The following NCOR2 variants were observed in gnomAD, a reference collection of about 807,000 sequenced individuals.
NCOR2 encodes the protein nuclear receptor corepressor 2, also known as CTG repeat protein 26.
NCOR2 carries 81 observed loss-of-function variants against 262.9 expected under a neutral mutation model. The observed-to-expected ratio is 0.31, with a 90% CI of 0.26 to 0.37. The LOEUF is 0.37. Ranked by LOEUF, NCOR2 falls within the 10% of genes least tolerant of loss-of-function variation. The pLI, the probability that NCOR2 is intolerant of heterozygous loss-of-function variation, is 1.00. For missense variants in NCOR2, 3,385 were observed against 3,621.4 expected (o/e 0.93, Z 1.68); for synonymous variants, 1,659 against 1,559.3 (o/e 1.06, Z -1.51).
In NCOR2 at chr12:124,335,696, G is replaced by C. The variant is rs980065273; in HGVS notation, c.6116-64C>G. ...CAGGGTTTCGGAGCCCGAGGGGCAG[G>C]GCTGCCCTCCCAGCTGGCTGGGACC... On this transcript the variant is annotated intron_variant, in intron 38 of 46. Transcript: ENST00000405201. 2.0e-5 allele frequency: 31 copies of C among 1,526,532 alleles called. 1 individual carries two copies. In the South Asian group the frequency reaches 2.4e-4, roughly 12 times the overall value. The allele number at this position is 1,526,532 out of a possible 1,614,324, so 94.6% of individuals were successfully genotyped here. A position where few individuals can be genotyped will look rare whatever the true frequency, so the allele number is the denominator to read the frequency against.
At chr12:124,330,820 A>G (rs762005655) in intron 44 of NCOR2, 25 bp downstream of exon 46, 77 of 1,565,446 alleles carry the variant, frequency 4.9e-5, no homozygotes, top group Admixed American at 5.7e-5. Context: ...CAGGGCAGCC[A>G]TATAGCAAGG....
rs1020745002 is a variant in NCOR2 at position 124,549,340 on chromosome 12, A to G, written c.-164-13729T>C. ...CACTCCCCGCTTGGCCGGGTGGCCC[A>G]CTGCCCGTCTGGCTTTCGAGGAGAT... On this transcript the variant is annotated intron_variant, in intron 1 of 32. Coordinates refer to the NCOR2 transcript ENST00000458234. The surrounding 1 kb of genome is among the most constrained non-coding windows in gnomAD (Gnocchi z 4.4). Among the ~76,000 whole-genome samples the G allele has an allele frequency of 7.9e-5, 12 of 152,136 alleles. No homozygotes were observed. Among genetic ancestry groups the G allele is most frequent in the Non-Finnish European group, 1.3e-4 (9 of 68,020 alleles).
chr12:124,341,423 A>G (rs560478105), intron 34 of NCOR2, among the ~76,000 whole-genome samples: 4 of 152,194 alleles, frequency 2.6e-5, no homozygotes, highest in Non-Finnish European at 4.4e-5. Context: ...TATTTTTAGG[A>G]GAGACGGGTT....
chr12:124,453,660 G>A (rs1057313241), intron 6 of NCOR2, among the ~76,000 whole-genome samples: 1 of 152,214 alleles, frequency 6.6e-6, no homozygotes, highest in Non-Finnish European at 1.5e-5. Context: ...TGAAGTGACA[G>A]CCCCAGCCCT....
At chr12:124,352,481 T>A (rs1241088603) in intron 27 of NCOR2, among the ~76,000 whole-genome samples, 1 of 152,090 alleles carries the variant, frequency 6.6e-6, no homozygotes, top group African/African-American at 2.4e-5. Flanking sequence ...CAAGTGATCT[T>A]CCTGCCTCCC....
At chr12:124,479,815 C>T (rs1264215168) in intron 3 of NCOR2, among the ~76,000 whole-genome samples, 1 of 152,240 alleles carries the variant, frequency 6.6e-6, no homozygotes, top group Non-Finnish European at 1.5e-5. Context: ...AGCAGGTCAA[C>T]CTGGAGGCAG....
chr12:124,417,042 T>TCACTCCATG (rs1565923710), intron 13 of NCOR2, among the ~76,000 whole-genome samples: 15 of 68,720 alleles, frequency 2.2e-4, no homozygotes, highest in Non-Finnish European at 1.1e-4. Flanking sequence ...CACTCACTCC[T>TCACTCCATG]GAGAGCAAGC....
chr12:124,559,105 G>A (rs946738855), intron 1 of NCOR2, among the ~76,000 whole-genome samples: 46 of 152,194 alleles, frequency 3.0e-4, no homozygotes, highest in African/African-American at 1.1e-3. Context: ...CAGGCCAGTG[G>A]TGACTGGTCA....
chr12:124,421,748 G>C lies in NCOR2; in HGVS notation c.1383+753C>G, dbSNP rs149989302. Among the ~76,000 whole-genome samples, 56 of 152,346 alleles carry C rather than the reference G, an allele frequency of 3.7e-4. No homozygotes were observed. In the East Asian group the frequency reaches 8.7e-3, roughly 24 times the overall value. Reference sequence around the variant, plus strand: ...TTTCTCCTCTGACCCCAAGATGCTGGGGGAAGGCCCAGGGGCCACGTCCAA... The same window carrying C: ...TTTCTCCTCTGACCCCAAGATGCTGCGGGAAGGCCCAGGGGCCACGTCCAA... On this transcript the variant is annotated intron_variant, in intron 12 of 46. Transcript: ENST00000405201.
At chr12:124,332,557 G>A in intron 42 of NCOR2, 90 bp from the exon 45 acceptor site, 1 of 1,564,406 alleles carries the variant, frequency 6.4e-7, no homozygotes, top group Non-Finnish European at 8.8e-7. Context: ...AGATGCCTTA[G>A]ACATTTGGAA....
rs920712501 is a variant in NCOR2, at chr12:124,482,509, T to C, written c.411+1087A>G. Among the ~76,000 whole-genome samples, 2 of 151,906 alleles carry C rather than the reference T, an allele frequency of 1.3e-5. No homozygotes were observed. The highest frequency in any genetic ancestry group is 2.9e-5 in the Non-Finnish European group (2 of 67,962). On this transcript the variant is annotated intron_variant, in intron 3 of 46. Transcript: ENST00000405201. This position sits in a 1 kb window ranked among gnomAD's most constrained non-coding sequence, Gnocchi z 6.3. Reference sequence around the variant, plus strand: ...CCCATGCCGGCTCACGGGTGCCAAATAGTTCCCACGCATGGGGCCCACAGC... The same window carrying C: ...CCCATGCCGGCTCACGGGTGCCAAACAGTTCCCACGCATGGGGCCCACAGC...
At chr12:124,373,868 GCCCCGGGC>G (rs2039764733) in intron 19 of NCOR2, among the ~76,000 whole-genome samples, 2 of 150,378 alleles carry the variant, frequency 1.3e-5, no homozygotes, top group East Asian at 2.0e-4. Context: ...GTGCGCAGGG[GCCCCGGGC>G]ACGGTGGACA....
rs544475486 is a variant in NCOR2 at position 124,349,941 on chromosome 12, G to GCCACCT, written c.3844+640_3844+645dup. Among the ~76,000 whole-genome samples, 20 of 152,268 alleles carry GCCACCT rather than the reference G, an allele frequency of 1.3e-4. No homozygotes were observed. The East Asian group carries it at 3.7e-3, about 28-fold the overall frequency. ...GCATTATGTTCCTAAGCCACACGGT[G>GCCACCT]CCACCTCCACCTCCCAGGCCTGGGG... On this transcript the variant is annotated intron_variant, in intron 28 of 46. Coordinates refer to ENST00000405201, the Ensembl canonical transcript of NCOR2.
At position 124,503,492 on chromosome 12, in the gene NCOR2, T is replaced by TGATGGATG. The variant is rs909286787; in HGVS notation, c.-117-8132_-117-8125dup. Among the ~76,000 whole-genome samples, 4 of 147,584 alleles carry TGATGGATG rather than the reference T, an allele frequency of 2.7e-5. No homozygotes were observed. The highest frequency in any genetic ancestry group is 6.7e-5 in the Admixed American group (1 of 14,914). ...ATGGATGGATGGATGGATGATGGAT[T>TGATGGATG]GATGGATGGATGGATGGATGGACAG... On this transcript the variant is annotated intron_variant, in intron 1 of 46. Transcript: ENST00000404621. The surrounding 1 kb of genome is among the most constrained non-coding windows in gnomAD (Gnocchi z 4.3).
rs1565958087 is a variant in NCOR2 at position 124,454,709 on chromosome 12, ACGGC to A, written c.762+2393_762+2396del. Among the ~76,000 whole-genome samples, 10,905 of 152,054 alleles carry A rather than the reference ACGGC, an allele frequency of 0.072. 564 individuals are homozygous for A. Among genetic ancestry groups the A allele is most frequent in the Non-Finnish European group, 0.11 (7,511 of 67,988 alleles). On this transcript the variant is annotated intron_variant, in intron 6 of 46. Transcript: ENST00000405201. This position sits in a 1 kb window ranked among gnomAD's most constrained non-coding sequence, Gnocchi z 5.6. ...CTTACTGGTGGAGATGTAAAATGGT[ACGGC>A]CACTTTTCGGCCACTTTGGAAAACA...
intron 13 of NCOR2, among the ~76,000 whole-genome samples, chr12:124,417,177 GCAGAGCAGGCCGGACAC>G (rs2042941019): frequency 6.7e-6 from 1 of 149,028 alleles, no homozygotes; most frequent in African/African-American, 2.5e-5. Flanking sequence ...CTCACTCCAC[GCAGAGCAGGCCGGACAC>G]TCACTCCACG....
At chr12:124,325,378 C>CCGGGGG in exon 47 of NCOR2, 1 of 232,298 alleles carries the variant, frequency 4.3e-6, no homozygotes, top group Non-Finnish European at 6.5e-6. Context: ...CCTGACACCG[C>CCGGGGG]CCCCCCCCCC....
At chr12:124,431,832 CACAGGCAG>C (rs1206288582) in intron 8 of NCOR2, among the ~76,000 whole-genome samples, 3 of 151,586 alleles carry the variant, frequency 2.0e-5, no homozygotes, top group Non-Finnish European at 4.4e-5. Context: ...CACACAGTCA[CACAGGCAG>C]ACAGACAGTC....
intron 1 of NCOR2, among the ~76,000 whole-genome samples, chr12:124,510,383 C>T (rs1593900412): frequency 1.3e-5 from 2 of 152,330 alleles, no homozygotes; most frequent in African/African-American, 4.8e-5. Flanking sequence ...TGAGCAGCCA[C>T]GGGAGGGAAC....
Sources: allele counts gnomAD v4.1 joint callset (sites outside exome capture counted in the v4.1 genomes callset), GRCh38; gene constraint gnomAD v4.1.1; non-coding constraint Gnocchi (gnomAD v3.1); transcripts MANE v1.5; gene names NCBI Gene and HGNC (gene_info 2026-07-23, HGNC 2026-07-21).